The following MACROD2 variants were observed in gnomAD, a reference collection of about 807,000 sequenced individuals.
MACROD2 encodes the protein ADP-ribose glycohydrolase MACROD2.
Under a neutral mutation model 70.4 loss-of-function variants are expected in MACROD2, and 36 were observed. That is an observed-to-expected ratio of 0.51 (90% CI 0.39 to 0.68). The LOEUF is 0.68. Among genes scored for constraint, MACROD2 ranks in the 30% least tolerant of loss-of-function variants. The pLI is 0.00. For missense variants in MACROD2, 496 were observed against 538.4 expected, an observed-to-expected ratio of 0.92 and a Z score of 0.78; for synonymous variants, 172 against 178.8, an observed-to-expected ratio of 0.96 and a Z score of 0.30.
chr20:15,809,300 A>T (rs2063796392), intron 8 of MACROD2, among the ~76,000 whole-genome samples: 1 of 152,102 alleles, frequency 6.6e-6, no homozygotes, highest in African/African-American at 2.4e-5. Flanking sequence ...CAGCTGACTG[A>T]TGCCTCCAGG....
At chr20:14,857,262 C>T (rs1037229214) in intron 5 of MACROD2, among the ~76,000 whole-genome samples, 1 of 152,148 alleles carries the variant, frequency 6.6e-6, no homozygotes, top group African/African-American at 2.4e-5. Flanking sequence ...AGAATGCTCC[C>T]ACTTATATCT....
At chr20:15,689,606 C>G (rs910511139) in intron 8 of MACROD2, among the ~76,000 whole-genome samples, 1 of 152,080 alleles carries the variant, frequency 6.6e-6, no homozygotes, top group African/African-American at 2.4e-5. Context: ...AGTAAAATTT[C>G]TAAGATTGGA....
chr20:14,468,241 G>A (rs1223910343), intron 3 of MACROD2, among the ~76,000 whole-genome samples: 1 of 151,860 alleles, frequency 6.6e-6, no homozygotes, highest in Non-Finnish European at 1.5e-5. Flanking sequence ...TTGTGTGGGA[G>A]TCTATGTCTC....
intron 5 of MACROD2, among the ~76,000 whole-genome samples, chr20:15,220,225 T>C (rs944112480): frequency 6.6e-5 from 10 of 152,164 alleles, no homozygotes; most frequent in Non-Finnish European, 1.5e-5. Context: ...GTCTAGATTA[T>C]CCCTTCTACC....
At chr20:14,580,368 A>G (rs1488285243) in intron 4 of MACROD2, among the ~76,000 whole-genome samples, 1 of 152,152 alleles carries the variant, frequency 6.6e-6, no homozygotes, top group Non-Finnish European at 1.5e-5. Flanking sequence ...TGAATGTATT[A>G]TTCCATTATC....
At chr20:15,951,252 T>C (rs55731101) in intron 12 of MACROD2, among the ~76,000 whole-genome samples, 1,547 of 151,442 alleles carry the variant, frequency 0.01, 17 homozygotes, top group African/African-American at 0.03. Context: ...TCTTTTCTAA[T>C]GACATTTGTT....
chr20:15,130,619 T>C (rs1267507416), intron 5 of MACROD2, among the ~76,000 whole-genome samples: 1 of 151,890 alleles, frequency 6.6e-6, no homozygotes, highest in African/African-American at 2.4e-5. Flanking sequence ...AAAAACAGAA[T>C]GACCAAAAAC....
chr20:14,982,979 G>A (rs1460015218), intron 5 of MACROD2, among the ~76,000 whole-genome samples: 1 of 152,202 alleles, frequency 6.6e-6, no homozygotes, highest in Admixed American at 6.5e-5. Flanking sequence ...AGGCAGCCGG[G>A]AGGGAGGCTG....
intron 5 of MACROD2, among the ~76,000 whole-genome samples, chr20:14,810,149 C>T (rs534579136): frequency 6.6e-6 from 1 of 152,170 alleles, no homozygotes; most frequent in South Asian, 2.1e-4. Flanking sequence ...AAAATAATTT[C>T]AGGCCAATAT....
intron 3 of MACROD2, among the ~76,000 whole-genome samples, chr20:14,174,113 G>A (rs1245322297): frequency 6.6e-6 from 1 of 152,128 alleles, no homozygotes; most frequent in African/African-American, 2.4e-5. Context: ...CAGTCAGGAG[G>A]TGGTGCTCTC....
intron 3 of MACROD2, among the ~76,000 whole-genome samples, chr20:14,488,278 CTT>C (rs1284519848): frequency 1.3e-5 from 2 of 152,216 alleles, no homozygotes; most frequent in African/African-American, 4.8e-5. Context: ...CTTGTTCACT[CTT>C]GGGAAAGCCC....
intron 8 of MACROD2, among the ~76,000 whole-genome samples, chr20:15,753,938 G>A (rs1001359456): frequency 2.0e-5 from 3 of 152,150 alleles, no homozygotes; most frequent in African/African-American, 7.2e-5. Context: ...AGTAAAAATG[G>A]TCAGAATTGT....
At chr20:15,222,643 G>C (rs578090880) in intron 5 of MACROD2, among the ~76,000 whole-genome samples, 3 of 152,292 alleles carry the variant, frequency 2.0e-5, no homozygotes, top group South Asian at 4.1e-4. Flanking sequence ...TAGAAGGACC[G>C]ATTATGCTTA....
intron 3 of MACROD2, among the ~76,000 whole-genome samples, chr20:14,421,188 G>GTCTTTGGTTTTGT (rs1460064309): frequency 3.9e-5 from 6 of 152,138 alleles, no homozygotes; most frequent in African/African-American, 1.4e-4. Flanking sequence ...TTCTTGTAGC[G>GTCTTTGGTTTTGT]TCTTTGGTTT....
At chr20:16,033,513 A>C (rs2067182920) in intron 15 of MACROD2, among the ~76,000 whole-genome samples, 1 of 152,134 alleles carries the variant, frequency 6.6e-6, no homozygotes, top group African/African-American at 2.4e-5. Flanking sequence ...GAGGTGATTC[A>C]GCTAGGTTTG....
intron 4 of MACROD2, among the ~76,000 whole-genome samples, chr20:14,600,130 G>C (rs1383596844): frequency 6.6e-6 from 1 of 151,938 alleles, no homozygotes; most frequent in East Asian, 1.9e-4. Flanking sequence ...ATGTGGCAAG[G>C]CCGTCATCAT....
At chr20:15,925,738 G>T (rs1424812383) in intron 10 of MACROD2, among the ~76,000 whole-genome samples, 1 of 152,142 alleles carries the variant, frequency 6.6e-6, no homozygotes, top group South Asian at 2.1e-4. Context: ...CTTTGAACAC[G>T]TGTTATTAAA....
chr20:15,878,124 A>G (rs879269823), intron 9 of MACROD2, among the ~76,000 whole-genome samples: 2 of 152,002 alleles, frequency 1.3e-5, no homozygotes, highest in African/African-American at 2.4e-5. Flanking sequence ...ATGGACCATG[A>G]TAATCTTGCC....
chr20:14,112,217 G>T (rs760380518), intron 3 of MACROD2, among the ~76,000 whole-genome samples: 16 of 151,936 alleles, frequency 1.1e-4, no homozygotes, highest in Admixed American at 3.3e-4. Flanking sequence ...GGCTGGGAAG[G>T]GTAGTGGGGG....
Sources: allele counts gnomAD v4.1 joint callset (sites outside exome capture counted in the v4.1 genomes callset), GRCh38; gene constraint gnomAD v4.1.1; transcripts MANE v1.5; gene names NCBI Gene and HGNC (gene_info 2026-07-23, HGNC 2026-07-21).